The following RAPGEF6 variants were observed in gnomAD, a reference collection of about 807,000 sequenced individuals.
RAPGEF6 encodes the protein Rap guanine nucleotide exchange factor 6, also known as PDZ domain containing guanine nucleotide exchange factor (GEF) 2.
Under a neutral mutation model 171.4 loss-of-function variants are expected in RAPGEF6, and 56 were observed. The ratio of observed to expected loss-of-function variants is 0.33; its 90% CI spans 0.26 to 0.41. The LOEUF is 0.41. Among genes scored for constraint, RAPGEF6 ranks in the 10% least tolerant of loss-of-function variants. The pLI is 1.00. For synonymous variants in RAPGEF6, 692 were observed against 650.1 expected (o/e 1.06, Z -0.98); for missense variants, 1,674 against 1,921.4 (o/e 0.87, Z 2.41).
chr5:131,597,723 A>G (rs1187498547), intron 3 of RAPGEF6, among the ~76,000 whole-genome samples: 1 of 152,164 alleles, frequency 6.6e-6, no homozygotes, highest in African/African-American at 2.4e-5. Context: ...GGAGAGAAAG[A>G]TGAGGAGAGG....
At chr5:131,435,661 CA>C in intron 24 of RAPGEF6, 1 of 311,626 alleles carries the variant, frequency 3.2e-6, no homozygotes, top group Non-Finnish European at 5.7e-6. Context: ...CCTTCTCCCC[CA>C]ATCAAAGATA....
At chr5:131,484,049 T>G (rs1039656850) in intron 15 of RAPGEF6, among the ~76,000 whole-genome samples, 3 of 141,434 alleles carry the variant, frequency 2.1e-5, no homozygotes, top group Non-Finnish European at 3.0e-5. Context: ...CGAGTGGAGA[T>G]CGTGCTACTG....
At chr5:131,462,796 C>T (rs182981728) in intron 18 of RAPGEF6, among the ~76,000 whole-genome samples, 39 of 152,270 alleles carry the variant, frequency 2.6e-4, no homozygotes, top group Non-Finnish European at 3.2e-4. Flanking sequence ...GCTTTTACTT[C>T]GTTCTTTTCT....
At chr5:131,600,889 C>T (rs1215054366) in intron 3 of RAPGEF6, among the ~76,000 whole-genome samples, 1 of 151,638 alleles carries the variant, frequency 6.6e-6, no homozygotes, top group East Asian at 1.9e-4. Flanking sequence ...TTTTTTAAAA[C>T]AGGACACAAA....
rs1756152083 is a variant in RAPGEF6 at position 131,489,669 on chromosome 5, A to C, written c.1732-15T>G. 1 of 1,391,658 alleles carries C rather than the reference A, an allele frequency of 7.2e-7. No homozygotes were observed. Among genetic ancestry groups the C allele is most frequent in the African/African-American group, 1.5e-5 (1 of 68,320 alleles). The allele number at this position is 1,391,658 out of a possible 1,614,324, so 86.2% of individuals were successfully genotyped here. A position where few individuals can be genotyped will look rare whatever the true frequency, so the allele number is the denominator to read the frequency against. On this transcript the variant is annotated splice_polypyrimidine_tract_variant and intron_variant, in intron 14 of 27. Transcript: ENST00000509018. ...ACTTCCATAATCTTAAAAGTATTTA[A>C]AAAATACAAATTAATACAGAACAGT...
At chr5:131,508,854 T>C (rs1757531266) in intron 8 of RAPGEF6, among the ~76,000 whole-genome samples, 1 of 152,210 alleles carries the variant, frequency 6.6e-6, no homozygotes, top group African/African-American at 2.4e-5. Context: ...TATTTCAATT[T>C]TTAAAAAGTT....
chr5:131,623,477 C>CATT lies in RAPGEF6; in HGVS notation c.69+11484_69+11485insAAT, dbSNP rs1554088737. ...TAAAGGAACAGTATTTTTCACATTG[C>CATT]TTTTTTTTTTTTTTTTTTTTTGTGA... On this transcript the variant is annotated intron_variant, in intron 1 of 27. Coordinates refer to ENST00000509018, the MANE Select transcript of RAPGEF6 (RefSeq NM_016340.6). Among the ~76,000 whole-genome samples the CATT allele has an allele frequency of 8.8e-5, 10 of 114,184 alleles. 1 individual carries two copies. The highest frequency in any genetic ancestry group is 1.3e-4 in the Non-Finnish European group (7 of 55,900). The allele number at this position is 114,184 out of a possible 152,430, so 74.9% of individuals were successfully genotyped here. A position where few individuals can be genotyped will look rare whatever the true frequency, so the allele number is the denominator to read the frequency against.
intron 4 of RAPGEF6, among the ~76,000 whole-genome samples, chr5:131,590,303 G>A (rs10058896): frequency 0.017 from 2,635 of 152,250 alleles, 55 homozygotes; most frequent in African/African-American, 0.045. Flanking sequence ...GGAAGGCTAA[G>A]GCAGAATTGC....
At chr5:131,516,891 A>T (rs539143693) in intron 7 of RAPGEF6, among the ~76,000 whole-genome samples, 1 of 152,248 alleles carries the variant, frequency 6.6e-6, no homozygotes, top group African/African-American at 2.4e-5. Flanking sequence ...AGTTTCTTTG[A>T]GGGCCAAGGG....
chr5:131,531,239 T>C (rs1258231425), intron 6 of RAPGEF6, among the ~76,000 whole-genome samples: 1 of 152,194 alleles, frequency 6.6e-6, no homozygotes, highest in Non-Finnish European at 1.5e-5. Flanking sequence ...GAAGTGCCTC[T>C]ATTGTGCCTG....
intron 3 of RAPGEF6, among the ~76,000 whole-genome samples, chr5:131,601,247 TG>T (rs1482623666): frequency 6.6e-6 from 1 of 151,676 alleles, no homozygotes; most frequent in East Asian, 1.9e-4. Context: ...AAGCTGGGCA[TG>T]GTGGCGGGCG....
intron 12 of RAPGEF6, 37 bp from the exon 13 acceptor site, chr5:131,495,697 G>A: frequency 6.3e-7 from 1 of 1,588,818 alleles, no homozygotes; most frequent in Non-Finnish European, 8.6e-7. Context: ...ATGGTTATAA[G>A]AGGCATTCCT....
chr5:131,567,281 T>C (rs1266294754), intron 4 of RAPGEF6, among the ~76,000 whole-genome samples: 1 of 152,224 alleles, frequency 6.6e-6, no homozygotes, highest in Non-Finnish European at 1.5e-5. Flanking sequence ...CTCTGTTATC[T>C]TTCTTGTGTT....
At chr5:131,596,378 T>C (rs1291243257) in intron 3 of RAPGEF6, among the ~76,000 whole-genome samples, 2 of 149,732 alleles carry the variant, frequency 1.3e-5, no homozygotes, top group East Asian at 3.9e-4. Context: ...TTGTGTCTCA[T>C]ATATATATTT....
chr5:131,467,240 G>A (rs1225465011), intron 17 of RAPGEF6, among the ~76,000 whole-genome samples: 1 of 152,200 alleles, frequency 6.6e-6, no homozygotes, highest in Non-Finnish European at 1.5e-5. Flanking sequence ...GTCATACGTT[G>A]TTAAAGTGAT....
In RAPGEF6 at chr5:131,521,382, G is replaced by A; in HGVS notation, c.627+8C>T. On this transcript the variant is annotated splice_region_variant and intron_variant, in intron 7 of 27. Transcript: ENST00000509018. ...ATATACGCAGCATACAAATTCCTAA[G>A]GTATTACCTGATAGATATCAGATAA... The A allele has an allele frequency of 6.3e-7, 1 of 1,595,656 alleles. No individual in the cohort carries two copies. Among genetic ancestry groups the A allele is most frequent in the South Asian group, 1.1e-5 (1 of 87,252 alleles).
rs1290944732 is a variant in RAPGEF6 at position 131,479,503 on chromosome 5, C to T, written c.2081+10G>A. ...AAAATTCCTGCATAGCTAAGATCGGCATTACCTACCTAAATAGCTTTGGAG... is the reference window on the plus strand; with the variant it reads ...AAAATTCCTGCATAGCTAAGATCGGTATTACCTACCTAAATAGCTTTGGAG... On this transcript the variant is annotated intron_variant, in intron 16 of 27. Transcript: ENST00000509018. 6.2e-7 allele frequency: 1 copy of T among 1,613,242 alleles called. No homozygotes were observed. Among genetic ancestry groups the T allele is most frequent in the Admixed American group, 1.7e-5 (1 of 59,988 alleles).
At chr5:131,529,963 A>C (rs1366731860) in intron 6 of RAPGEF6, among the ~76,000 whole-genome samples, 1 of 129,064 alleles carries the variant, frequency 7.7e-6, no homozygotes, top group Admixed American at 9.0e-5. Flanking sequence ...GCTAGAGTGT[A>C]GTGTCACGAT....
chr5:131,590,231 C>T (rs184374755), intron 4 of RAPGEF6, among the ~76,000 whole-genome samples: 41 of 152,218 alleles, frequency 2.7e-4, no homozygotes, highest in Non-Finnish European at 5.6e-4. Flanking sequence ...GAAACCCTGT[C>T]TTTACTAAAA....
Sources: gnomAD v4.1 joint callset for allele counts (sites outside exome capture counted in the v4.1 genomes callset) on GRCh38, gnomAD v4.1.1 for gene constraint, MANE v1.5 for transcripts, NCBI Gene and HGNC (gene_info 2026-07-23, HGNC 2026-07-21) for gene names.